MSRA: variants seen among roughly 807,000 people sequenced by gnomAD.
MSRA encodes the protein mitochondrial peptide methionine sulfoxide reductase.
Under a neutral mutation model 31.3 loss-of-function variants are expected in MSRA, and 54 were observed. The ratio of observed to expected loss-of-function variants is 1.73; its 90% CI spans 1.39 to 2.17. The LOEUF is 2.17. MSRA is among the 30% of genes most tolerant of loss of function. The probability of loss-of-function intolerance (pLI) is 0.00; values close to 1 mark genes in which losing one functional copy is unlikely to be tolerated. For missense variants in MSRA, 507 were observed against 300.9 expected (o/e 1.69, Z -5.07); for synonymous variants, 169 against 116.5 (o/e 1.45, Z -2.90).
intron 3 of MSRA, chr8:10,250,663 G>A (rs1391432473): frequency 6.8e-6 from 4 of 584,298 alleles, no homozygotes; most frequent in Non-Finnish European, 1.2e-5. Flanking sequence ...GGGAAGAGCG[G>A]AGTGTGGGAG....
intron 1 of MSRA, among the ~76,000 whole-genome samples, chr8:10,055,009 G>T (rs968969180): frequency 6.6e-6 from 1 of 152,228 alleles, no homozygotes; most frequent in Admixed American, 6.5e-5. Flanking sequence ...CGCCCGCGGC[G>T]CTGTGCCTGC....
intron 2 of MSRA, among the ~76,000 whole-genome samples, chr8:10,215,356 A>G (rs1809894131): frequency 2.0e-5 from 3 of 152,118 alleles, no homozygotes. Context: ...TGACAAGAAA[A>G]CTGTTTGCCA....
rs559199471 is a variant in MSRA, at chr8:10,084,675, A to T, written c.142+30017A>T. On this transcript the variant is annotated intron_variant, in intron 1 of 5. Coordinates refer to ENST00000317173, the MANE Select transcript of MSRA (RefSeq NM_012331.5). ...GGTTGATGATACCCTGATGAGAGGT[A>T]GGTATTATTTTATGAAGATTAAATG... is the stretch of plus-strand genomic sequence containing the variant. Among the ~76,000 whole-genome samples the T allele has an allele frequency of 2.6e-5, 4 of 152,336 alleles. No homozygotes were observed. In the South Asian group the frequency reaches 6.2e-4, roughly 24 times the overall value.
At chr8:10,334,188 ATGTGTGTG>A (rs61031081) in intron 5 of MSRA, among the ~76,000 whole-genome samples, 118 of 137,004 alleles carry the variant, frequency 8.6e-4, no homozygotes, top group African/African-American at 2.0e-3. Flanking sequence ...GTGTGTATTT[ATGTGTGTG>A]TGTGTGTGTG....
At position 10,169,523 on chromosome 8, in the gene MSRA, G is replaced by A. The variant is rs911998536; in HGVS notation, c.143-38310G>A. On this transcript the variant is annotated intron_variant, in intron 1 of 5. Coordinates refer to ENST00000317173, the MANE Select transcript of MSRA (RefSeq NM_012331.5). ...ACATAAAACCATCAAACTTCGTGAA[G>A]AAAACATTGGCAAAAATCTCTGTGA... Among the ~76,000 whole-genome samples, 75 of 152,136 alleles carry A rather than the reference G, an allele frequency of 4.9e-4. 1 individual carries two copies. The highest frequency in any genetic ancestry group is 9.9e-4 in the Non-Finnish European group (67 of 68,018).
At chr8:10,298,421 A>G (rs1275694233) in intron 3 of MSRA, among the ~76,000 whole-genome samples, 1 of 152,164 alleles carries the variant, frequency 6.6e-6, no homozygotes, top group Non-Finnish European at 1.5e-5. Context: ...AGAGAAGTAA[A>G]ATCCACAGAG....
Position 10,096,979 on chromosome 8 carries a change from C to T in MSRA, c.142+42321C>T, listed in dbSNP as rs527959226. Among the ~76,000 whole-genome samples the T allele has an allele frequency of 1.4e-4, 22 of 152,208 alleles. 1 individual carries two copies. The South Asian group carries it at 4.6e-3, about 32-fold the overall frequency. ...TCACATAAGTACTCATCATTTTGGG[C>T]AGTATAAAAGACTGCCCCTGGATCT... On this transcript the variant is annotated intron_variant, in intron 1 of 5. Coordinates refer to ENST00000317173, the MANE Select transcript of MSRA (RefSeq NM_012331.5).
chr8:10,123,896 A>C (rs572753827), intron 1 of MSRA, among the ~76,000 whole-genome samples: 1 of 150,250 alleles, frequency 6.7e-6, no homozygotes, highest in African/African-American at 2.4e-5. Flanking sequence ...ACAGGGTCTC[A>C]CTCTGTCACC....
chr8:10,122,515 T>C (rs527840740), intron 1 of MSRA, among the ~76,000 whole-genome samples: 7 of 151,694 alleles, frequency 4.6e-5, no homozygotes, highest in African/African-American at 1.2e-4. Context: ...GCTGAGGCAG[T>C]GGAAGTATTT....
intron 1 of MSRA, among the ~76,000 whole-genome samples, chr8:10,120,422 C>G (rs142924373): frequency 9.2e-5 from 14 of 152,258 alleles, no homozygotes; most frequent in Non-Finnish European, 2.1e-4. Context: ...CACTGGCACC[C>G]TAGAACATGT....
At chr8:10,386,605 A>G (rs1190102959) in intron 5 of MSRA, among the ~76,000 whole-genome samples, 1 of 152,120 alleles carries the variant, frequency 6.6e-6, no homozygotes, top group African/African-American at 2.4e-5. Flanking sequence ...GCCAAGACAC[A>G]ATTGTTGGGC....
At chr8:10,150,414 C>G (rs556142207) in intron 1 of MSRA, among the ~76,000 whole-genome samples, 17 of 152,266 alleles carry the variant, frequency 1.1e-4, no homozygotes, top group Non-Finnish European at 1.8e-4. Flanking sequence ...TATTAATTAT[C>G]TATTCAGTGA....
At chr8:10,278,366 A>G (rs1487190453) in intron 3 of MSRA, among the ~76,000 whole-genome samples, 2 of 152,194 alleles carry the variant, frequency 1.3e-5, no homozygotes, top group Non-Finnish European at 2.9e-5. Context: ...GATCCAGCAA[A>G]TGTACCGTGG....
intron 5 of MSRA, among the ~76,000 whole-genome samples, chr8:10,358,288 G>A (rs751806441): frequency 3.3e-5 from 5 of 152,154 alleles, no homozygotes; most frequent in Non-Finnish European, 5.9e-5. Flanking sequence ...AGAATATCCC[G>A]TAATTATTAC....
At chr8:10,405,737 GTGTGTTCACACACACCCA>G (rs1807766112) in intron 5 of MSRA, among the ~76,000 whole-genome samples, 1 of 151,938 alleles carries the variant, frequency 6.6e-6, no homozygotes, top group South Asian at 2.1e-4. Flanking sequence ...AATCACACAC[GTGTGTTCACACACACCCA>G]TGTGCTCACA....
At chr8:10,201,208 T>A (rs1358256865) in intron 1 of MSRA, among the ~76,000 whole-genome samples, 1 of 152,060 alleles carries the variant, frequency 6.6e-6, no homozygotes, top group Non-Finnish European at 1.5e-5. Flanking sequence ...CTCAGTGTAG[T>A]AGCAGCTGGA....
At chr8:10,270,335 C>T (rs994729283) in intron 3 of MSRA, among the ~76,000 whole-genome samples, 1 of 151,632 alleles carries the variant, frequency 6.6e-6, no homozygotes, top group African/African-American at 2.4e-5. Context: ...ACATGATGTC[C>T]TTTGGCTGAA....
chr8:10,068,865 T>A (rs925705910), intron 1 of MSRA, among the ~76,000 whole-genome samples: 4 of 152,246 alleles, frequency 2.6e-5, no homozygotes, highest in Admixed American at 2.6e-4. Context: ...AATCTCCAGA[T>A]CAAGTTGGGA....
intron 3 of MSRA, among the ~76,000 whole-genome samples, chr8:10,298,598 TTA>T (rs1340741904): frequency 6.7e-6 from 1 of 149,046 alleles, no homozygotes; most frequent in African/African-American, 2.5e-5. Flanking sequence ...ATGGTAAATT[TTA>T]TGTTATGTTC....
Sources: gnomAD v4.1 joint callset for allele counts (sites outside exome capture counted in the v4.1 genomes callset) on GRCh38, gnomAD v4.1.1 for gene constraint, MANE v1.5 for transcripts, NCBI Gene and HGNC (gene_info 2026-07-23, HGNC 2026-07-21) for gene names.